The following EGFR variants were observed in gnomAD, a reference collection of about 807,000 sequenced individuals.
EGFR encodes the protein avian erythroblastic leukemia viral (v-erb-b) oncogene homolog.
EGFR carries 58 observed loss-of-function variants against 143.0 expected under a neutral mutation model. The ratio of observed to expected loss-of-function variants is 0.41; its 90% CI spans 0.33 to 0.50. EGFR has a LOEUF of 0.50. Ranked by LOEUF, EGFR falls within the 20% of genes least tolerant of loss-of-function variation. The pLI, the probability that EGFR is intolerant of heterozygous loss-of-function variation, is 0.39. For missense variants in EGFR, 1,307 were observed against 1,579.0 expected, an observed-to-expected ratio of 0.83 and a Z score of 2.92; for synonymous variants, 613 against 594.4, an observed-to-expected ratio of 1.03 and a Z score of -0.45.
At chr7:55,170,240 T>C in intron 15 of EGFR, 2 of 1,612,796 alleles carry the variant, frequency 1.2e-6, no homozygotes, top group Non-Finnish European at 1.7e-6. Context: ...AGGATCAGAT[T>C]ATAGTGTTAC....
chr7:55,183,665 G>A, intron 20 of EGFR, among the ~76,000 whole-genome samples: 1 of 152,248 alleles, frequency 6.6e-6, no homozygotes, highest in East Asian at 1.9e-4. Flanking sequence ...GGAATGGAGA[G>A]CACTGCCCTC....
At chr7:55,165,248 A>G (rs1785906817) in intron 14 of EGFR, 32 bp from the exon 15 acceptor site, 1 of 1,613,846 alleles carries the variant, frequency 6.2e-7, no homozygotes, top group Non-Finnish European at 8.5e-7. Context: ...AGAAAGAGAC[A>G]TGCATGAACA....
rs2128952697 is a variant in EGFR, at chr7:55,173,113, C to T, written c.2050C>T (p.Gln684Ter). Residue 684 changes from glutamine (Q) to a stop codon, truncating the protein, a stop_gained, in exon 17 of 28, where the codon CAG becomes TAG. Coordinates refer to ENST00000275493, the MANE Select transcript of EGFR (RefSeq NM_005228.5). LOFTEE classifies it high-confidence loss of function. ...VRKRTLRRLL[Q>*]ERELVEPLTP... is the part of the protein sequence containing the mutation. ...GAAGCGCACGCTGCGGAGGCTGCTG[C>T]AGGAGAGGGAGGTGAGTGCCAGTCC... 6.2e-7 allele frequency: 1 copy of T among 1,610,798 alleles called. No individual in the cohort carries two copies. Among genetic ancestry groups the T allele is most frequent in the Non-Finnish European group, 8.5e-7 (1 of 1,179,958 alleles).
chr7:55,193,442 A>G (rs1389104953), intron 22 of EGFR, among the ~76,000 whole-genome samples: 2 of 152,068 alleles, frequency 1.3e-5, no homozygotes, highest in Non-Finnish European at 2.9e-5. Context: ...CATCCTCACG[A>G]GGGCCGCTCT....
intron 1 of EGFR, among the ~76,000 whole-genome samples, chr7:55,072,869 A>G (rs532985660): frequency 6.6e-6 from 1 of 152,360 alleles, no homozygotes; most frequent in African/African-American, 2.4e-5. Context: ...AATGCCATAC[A>G]CAAAGGACTT....
chr7:55,142,382 T>C lies in EGFR; in HGVS notation c.185T>C (p.Leu62Pro). The C allele has an allele frequency of 6.2e-7, 1 of 1,614,218 alleles. No homozygotes were observed. The highest frequency in any genetic ancestry group is 8.5e-7 in the Non-Finnish European group (1 of 1,180,020). Residue 62 changes from leucine to proline, a missense_variant, in exon 2 of 28, where the codon CTT (leucine) becomes CCT (proline). This residue lies in a region of EGFR where 311 missense variants were observed against 412.3 expected (regional missense o/e 0.75). Transcript: ENST00000275493. Reference sequence around the variant, plus strand: ...ATGTTCAATAACTGTGAGGTGGTCCTTGGGAATTTGGAAATTACCTATGTG... The same window carrying C: ...ATGTTCAATAACTGTGAGGTGGTCCCTGGGAATTTGGAAATTACCTATGTG... Reference protein sequence around the residue: ...QRMFNNCEVVLGNLEITYVQR... With the variant: ...QRMFNNCEVVPGNLEITYVQR...
At chr7:55,181,919 G>A in intron 20 of EGFR, 1 of 278,316 alleles carries the variant, frequency 3.6e-6, no homozygotes, top group East Asian at 9.5e-5. Flanking sequence ...GGCCCAGTGA[G>A]GAGGTGCAAG....
At chr7:55,201,035 G>A (rs1177426630) in intron 24 of EGFR, among the ~76,000 whole-genome samples, 153 bp from the exon 25 acceptor site, 1 of 152,104 alleles carries the variant, frequency 6.6e-6, no homozygotes, top group Admixed American at 6.5e-5. Flanking sequence ...ATGAGGGGAG[G>A]CAGCTATAAT....
At position 55,172,967 on chromosome 7, in the gene EGFR, C is replaced by G. The variant is rs777356575; in HGVS notation, c.1920-16C>G. The G allele has an allele frequency of 6.2e-7, 1 of 1,614,192 alleles. No individual in the cohort carries two copies. Among genetic ancestry groups the G allele is most frequent in the Non-Finnish European group, 8.5e-7 (1 of 1,180,046 alleles). On this transcript the variant is annotated splice_polypyrimidine_tract_variant and intron_variant, in intron 16 of 27. Transcript: ENST00000275493. ...TCAGCAACCTCACCCTTCCTTGTTC[C>G]TCCACCTCATTCCAGGCCTAAGATC... is the stretch of plus-strand genomic sequence containing the variant.
chr7:55,204,851 C>T (rs975191444), intron 27 of EGFR, among the ~76,000 whole-genome samples: 1 of 150,304 alleles, frequency 6.7e-6, no homozygotes, highest in East Asian at 2.0e-4. Flanking sequence ...CACACACCCA[C>T]ATGCACACAC....
At chr7:55,115,459 T>C (rs940833630) in intron 1 of EGFR, among the ~76,000 whole-genome samples, 3 of 152,240 alleles carry the variant, frequency 2.0e-5, no homozygotes, top group African/African-American at 7.2e-5. Context: ...ATATATTTAT[T>C]GTCCTCTACT....
chr7:55,111,168 C>T (rs1009795844), intron 1 of EGFR, among the ~76,000 whole-genome samples: 1 of 152,186 alleles, frequency 6.6e-6, no homozygotes, highest in Non-Finnish European at 1.5e-5. Flanking sequence ...TGTGCTCTCT[C>T]TGCCTGGCCC....
chr7:55,085,694 TCTG>T (rs1790712595), intron 1 of EGFR, among the ~76,000 whole-genome samples: 2 of 152,236 alleles, frequency 1.3e-5, no homozygotes. Context: ...GTGGTGGAAT[TCTG>T]CTAACGAAAA....
chr7:55,174,112 G>A (rs1786485263), intron 18 of EGFR, 69 bp downstream of exon 18: 11 of 1,601,832 alleles, frequency 6.9e-6, no homozygotes, highest in Admixed American at 1.7e-5. Context: ...GGAGCCCAGA[G>A]TCCTTGCAAG....
intron 1 of EGFR, among the ~76,000 whole-genome samples, chr7:55,043,098 T>C (rs887388942): frequency 5.9e-5 from 9 of 152,154 alleles, no homozygotes; most frequent in African/African-American, 2.2e-4. Flanking sequence ...TCAATGTTAA[T>C]ACTTGATGAG....
chr7:55,155,242 G>A (rs527853223), intron 7 of EGFR, among the ~76,000 whole-genome samples: 1 of 152,344 alleles, frequency 6.6e-6, no homozygotes, highest in South Asian at 2.1e-4. Flanking sequence ...AGGAGTTTGG[G>A]ACCAGCCTGG....
At chr7:55,057,186 C>T (rs1788879167) in intron 1 of EGFR, among the ~76,000 whole-genome samples, 1 of 152,182 alleles carries the variant, frequency 6.6e-6, no homozygotes, top group South Asian at 2.1e-4. Context: ...TTTGGATCAA[C>T]TTTAAGAAGA....
At chr7:55,141,929 C>A (rs936630888) in intron 1 of EGFR, among the ~76,000 whole-genome samples, 2 of 152,216 alleles carry the variant, frequency 1.3e-5, no homozygotes, top group African/African-American at 4.8e-5. Context: ...ATAGAATTTT[C>A]ATCTACCACC....
chr7:55,099,014 T>C (rs951926647), intron 1 of EGFR, among the ~76,000 whole-genome samples: 2 of 152,200 alleles, frequency 1.3e-5, no homozygotes, highest in Non-Finnish European at 1.5e-5. Flanking sequence ...TGGCAGCTCT[T>C]CATAAACGTC....
Sources: gnomAD v4.1 joint callset for allele counts (sites outside exome capture counted in the v4.1 genomes callset) on GRCh38, gnomAD v4.1.1 for gene constraint, gnomAD v4.1.1 regional missense constraint, MANE v1.5 for transcripts, NCBI Gene and HGNC (gene_info 2026-07-23, HGNC 2026-07-21) for gene names.